CRPPA: variants seen among roughly 807,000 people sequenced by gnomAD.
The protein encoded by CRPPA is CDP-L-ribitol pyrophosphorylase A.
A neutral mutation model predicts 52.0 loss-of-function variants in CRPPA; 43 were observed. That is an observed-to-expected ratio of 0.83 (90% CI 0.65 to 1.07). The LOEUF (loss-of-function observed/expected upper bound fraction) is 1.07. Among genes scored for constraint, CRPPA ranks in the 50% least tolerant of loss-of-function variants. The probability of loss-of-function intolerance (pLI) is 0.00; values close to 1 mark genes in which losing one functional copy is unlikely to be tolerated. For synonymous variants in CRPPA, 250 were observed against 203.5 expected (o/e 1.23, Z -1.94); for missense variants, 629 against 551.7 (o/e 1.14, Z -1.40).
chr7:16,194,594 G>A (rs923248118), intron 9 of CRPPA, among the ~76,000 whole-genome samples: 15 of 152,102 alleles, frequency 9.9e-5, no homozygotes, highest in Middle Eastern at 3.2e-3. Flanking sequence ...GCCAAAGAAA[G>A]CTAACTTTGG....
intron 9 of CRPPA, among the ~76,000 whole-genome samples, chr7:16,095,581 T>C (rs1288217986): frequency 6.6e-6 from 1 of 152,194 alleles, no homozygotes; most frequent in Non-Finnish European, 1.5e-5. Context: ...GAGAATATTT[T>C]TTGCAGGTCT....
At position 16,088,869 on chromosome 7, in the gene CRPPA, C is replaced by A. The variant is rs1311002651; in HGVS notation, c.*2826G>T. 1 of 176,474 alleles carries A rather than the reference C, an allele frequency of 5.7e-6. No homozygotes were observed. The highest frequency in any genetic ancestry group is 1.2e-5 in the Non-Finnish European group (1 of 80,762). The allele number at this position is 176,474 out of a possible 1,614,324, so 10.9% of individuals were successfully genotyped here. A position where few individuals can be genotyped will look rare whatever the true frequency, so the allele number is the denominator to read the frequency against. ...AGTCCCTGGACATAAGTGTCCCACC[C>A]TTCTTGTCCATTTCGCCAATGTTCA... is the stretch of plus-strand genomic sequence containing the variant. On this transcript the variant is annotated 3_prime_UTR_variant, in exon 10 of 10. Coordinates refer to ENST00000407010, the MANE Select transcript of CRPPA (RefSeq NM_001101426.4).
At chr7:16,171,189 C>A (rs953886796) in intron 9 of CRPPA, among the ~76,000 whole-genome samples, 1 of 152,240 alleles carries the variant, frequency 6.6e-6, no homozygotes, top group South Asian at 2.1e-4. Context: ...ATTTTTAAAT[C>A]TCTTAGTAGA....
In CRPPA at chr7:16,316,925, A is replaced by G. The variant is rs1399559970; in HGVS notation, c.685-8298T>C. On this transcript the variant is annotated intron_variant, in intron 3 of 9. Coordinates refer to ENST00000407010, the MANE Select transcript of CRPPA (RefSeq NM_001101426.4). ...ATTGTAAAAATAATACCTATGTATT[A>G]TTGCTATATTATAAAATTTTAGATC... Among the ~76,000 whole-genome samples the G allele has an allele frequency of 2.6e-5, 4 of 152,172 alleles. No homozygotes were observed. In the East Asian group the frequency reaches 5.8e-4, roughly 22 times the overall value.
intron 6 of CRPPA, among the ~76,000 whole-genome samples, chr7:16,267,130 G>A (rs1783977032): frequency 6.6e-6 from 1 of 152,162 alleles, no homozygotes; most frequent in Non-Finnish European, 1.5e-5. Flanking sequence ...ACAAAGAACA[G>A]AGTATCTTAG....
intron 8 of CRPPA, among the ~76,000 whole-genome samples, chr7:16,217,210 A>G (rs1226942765): frequency 6.9e-6 from 1 of 144,916 alleles, no homozygotes; most frequent in African/African-American, 2.5e-5. Flanking sequence ...GGGTATTCCA[A>G]CAGACCTGCA....
rs537265994 is a variant in CRPPA at position 16,217,043 on chromosome 7, C to A, written c.1120-846G>T. 6.6e-5 allele frequency among the ~76,000 whole-genome samples: 10 copies of A among 151,588 alleles called. No individual in the cohort carries two copies. The South Asian group carries it at 2.1e-3, about 32-fold the overall frequency. On this transcript the variant is annotated intron_variant, in intron 8 of 9. Transcript: ENST00000407010. ...CGTCTGCAGACTTAAATGTCCCTGT[C>A]TGACAGCTTTGAAGAGAGCAGTGGT...
chr7:16,227,952 C>G (rs1283568276), intron 8 of CRPPA, among the ~76,000 whole-genome samples: 1 of 151,820 alleles, frequency 6.6e-6, no homozygotes, highest in Non-Finnish European at 1.5e-5. Context: ...TTCCATTCTT[C>G]TGTGTGTGGA....
At chr7:16,399,742 A>G (rs1231236675) in intron 2 of CRPPA, among the ~76,000 whole-genome samples, 1 of 152,048 alleles carries the variant, frequency 6.6e-6, no homozygotes, top group Admixed American at 6.5e-5. Flanking sequence ...ATTGACATGT[A>G]ACTGACACGT....
chr7:16,272,468 C>T (rs1193917113), intron 6 of CRPPA, among the ~76,000 whole-genome samples: 1 of 152,242 alleles, frequency 6.6e-6, no homozygotes, highest in South Asian at 2.1e-4. Flanking sequence ...AGCAGCTCCA[C>T]ACCCACACTG....
At chr7:16,227,471 C>T (rs1282177130) in intron 8 of CRPPA, among the ~76,000 whole-genome samples, 1 of 151,806 alleles carries the variant, frequency 6.6e-6, no homozygotes, top group East Asian at 1.9e-4. Context: ...GTGATTTACA[C>T]TTCCCTGATG....
intron 3 of CRPPA, among the ~76,000 whole-genome samples, chr7:16,311,890 T>C (rs1482395297): frequency 6.6e-6 from 1 of 152,098 alleles, no homozygotes; most frequent in African/African-American, 2.4e-5. Context: ...TGCTATATTG[T>C]ATATTGCCTT....
chr7:16,241,549 A>G (rs1371272343), intron 8 of CRPPA, among the ~76,000 whole-genome samples: 1 of 152,080 alleles, frequency 6.6e-6, no homozygotes, highest in Non-Finnish European at 1.5e-5. Context: ...TTATATTTTG[A>G]ACTTAGATTT....
chr7:16,387,088 C>CATATATATAT (rs1305950837), intron 2 of CRPPA, among the ~76,000 whole-genome samples: 1 of 34,794 alleles, frequency 2.9e-5, no homozygotes, highest in African/African-American at 1.1e-4. Context: ...TATATATATA[C>CATATATATAT]ACACATATAT....
chr7:16,203,103 A>C (rs1049334173), intron 9 of CRPPA, among the ~76,000 whole-genome samples: 1 of 152,224 alleles, frequency 6.6e-6, no homozygotes, highest in Non-Finnish European at 1.5e-5. Context: ...GGTCCCCTGA[A>C]AATCTGACCC....
chr7:16,385,515 T>G (rs944213737), intron 2 of CRPPA, among the ~76,000 whole-genome samples: 6 of 152,136 alleles, frequency 3.9e-5, no homozygotes, highest in Non-Finnish European at 7.4e-5. Context: ...AAATATCTCA[T>G]ATCCAGCAAA....
intron 5 of CRPPA, among the ~76,000 whole-genome samples, chr7:16,298,227 T>C (rs969714419): frequency 6.6e-6 from 1 of 152,106 alleles, no homozygotes; most frequent in Non-Finnish European, 1.5e-5. Context: ...TATTATAACA[T>C]GTGATGTACT....
chr7:16,244,602 C>T (rs1481501825), intron 8 of CRPPA, among the ~76,000 whole-genome samples: 2 of 152,136 alleles, frequency 1.3e-5, no homozygotes, highest in African/African-American at 2.4e-5. Context: ...TTGCCAAATG[C>T]CCACCTAAGT....
chr7:16,222,845 G>A (rs958513092), intron 8 of CRPPA, among the ~76,000 whole-genome samples: 7 of 151,948 alleles, frequency 4.6e-5, no homozygotes, highest in Non-Finnish European at 1.0e-4. Flanking sequence ...ATATTTATGG[G>A]GTACTGTGAT....
Sources: gnomAD v4.1 joint callset for allele counts (sites outside exome capture counted in the v4.1 genomes callset) on GRCh38, gnomAD v4.1.1 for gene constraint, MANE v1.5 for transcripts, NCBI Gene and HGNC (gene_info 2026-07-23, HGNC 2026-07-21) for gene names.